The following PDE1B variants were observed in gnomAD, a reference collection of about 807,000 sequenced individuals.
PDE1B encodes phosphodiesterase 1B.
In PDE1B, 13 loss-of-function variants were observed where a neutral mutation model predicts 66.7. The ratio of observed to expected loss-of-function variants is 0.19; its 90% CI spans 0.13 to 0.31. The LOEUF is 0.31. Ranked by LOEUF, PDE1B falls within the 10% of genes least tolerant of loss-of-function variation. PDE1B has a pLI of 1.00. For synonymous variants in PDE1B, 230 were observed against 253.9 expected (o/e 0.91, Z 0.90); for missense variants, 485 against 682.3 (o/e 0.71, Z 3.22).
rs374400119 is a variant in PDE1B, at chr12:54,575,466, C to G, written c.1186-85C>G. ...GCAGAAATTTCACACAACAACCCCC[C>G]ACCCCCACCACTTGCCACCTGTACC... is the stretch of plus-strand genomic sequence containing the variant. On this transcript the variant is annotated intron_variant, in intron 11 of 15. Transcript: ENST00000243052. This position sits in a 1 kb window ranked among gnomAD's most constrained non-coding sequence, Gnocchi z 4.0. The G allele has an allele frequency of 4.2e-6, 4 of 942,262 alleles. No individual in the cohort carries two copies. Among genetic ancestry groups the G allele is most frequent in the South Asian group, 2.6e-5 (2 of 77,066 alleles). 58.4% of individuals were successfully genotyped at this position (942,262 alleles called of 1,614,324 possible). A position where few individuals can be genotyped will look rare whatever the true frequency, so the allele number is the denominator to read the frequency against.
intron 3 of PDE1B, among the ~76,000 whole-genome samples, chr12:54,568,657 G>A (rs142431167): frequency 5.9e-4 from 90 of 152,174 alleles, no homozygotes; most frequent in Non-Finnish European, 1.1e-3. Context: ...CCAGCCTGGC[G>A]TGGTGGTAGG....
chr12:54,562,419 C>T (rs922782156), intron 2 of PDE1B, among the ~76,000 whole-genome samples: 2 of 152,092 alleles, frequency 1.3e-5, no homozygotes, highest in Non-Finnish European at 2.9e-5. Context: ...GGTGGTGAAA[C>T]GGGCAGGGAT....
chr12:54,551,281 G>T (rs1022232), intron 2 of PDE1B, among the ~76,000 whole-genome samples: 123,576 of 152,086 alleles, frequency 0.81, 50,649 homozygotes, highest in Middle Eastern at 0.9. Flanking sequence ...ACTTGGAGAG[G>T]CGTTAGGGAG....
chr12:54,550,605 T>C (rs1332170188), intron 2 of PDE1B, among the ~76,000 whole-genome samples: 1 of 53,118 alleles, frequency 1.9e-5, no homozygotes, highest in Non-Finnish European at 5.4e-5. Context: ...CCACGTGGAA[T>C]CTGGAGGGGG....
chr12:54,577,507 A>G, intron 15 of PDE1B, 162 bp downstream of exon 15: 1 of 1,586,196 alleles, frequency 6.3e-7, no homozygotes, highest in Non-Finnish European at 8.5e-7. Flanking sequence ...TGGGTGGAGC[A>G]GGGAAATCCT....
intron 2 of PDE1B, among the ~76,000 whole-genome samples, chr12:54,555,579 C>T (rs1175906045): frequency 6.6e-6 from 1 of 152,168 alleles, no homozygotes; most frequent in Non-Finnish European, 1.5e-5. Flanking sequence ...GGAATGGTAG[C>T]TTCCCTATCT....
Position 54,573,065 on chromosome 12 carries a change from G to A in PDE1B, c.736-83G>A. 17 of 992,932 alleles carry A rather than the reference G, an allele frequency of 1.7e-5. No individual in the cohort carries two copies. Among genetic ancestry groups the A allele is most frequent in the Non-Finnish European group, 2.7e-5 (17 of 622,612 alleles). The allele number at this position is 992,932 out of a possible 1,614,324, so 61.5% of individuals were successfully genotyped here. A position where few individuals can be genotyped will look rare whatever the true frequency, so the allele number is the denominator to read the frequency against. On this transcript the variant is annotated intron_variant, in intron 7 of 15. Coordinates refer to ENST00000243052, the MANE Select transcript of PDE1B (RefSeq NM_000924.4). The surrounding 1 kb of genome is among the most constrained non-coding windows in gnomAD (Gnocchi z 5.2). ...TGGAAGCATGGAAGGGATGGGATGA[G>A]TGATCTAGCCTGTGTGTGGAGGTTC... is the stretch of plus-strand genomic sequence containing the variant.
chr12:54,567,661 G>A (rs763405996), intron 3 of PDE1B, among the ~76,000 whole-genome samples: 5 of 152,012 alleles, frequency 3.3e-5, no homozygotes, highest in Non-Finnish European at 7.4e-5. Flanking sequence ...CTGCTTCAGA[G>A]TTGGAAGGGA....
Position 54,575,704 on chromosome 12 carries a change from C to T in PDE1B, c.1267+72C>T. 9.3e-7 allele frequency: 1 copy of T among 1,078,454 alleles called. No individual in the cohort carries two copies. The highest frequency in any genetic ancestry group is 1.4e-6 in the Non-Finnish European group (1 of 702,008). The allele number at this position is 1,078,454 out of a possible 1,614,324, so 66.8% of individuals were successfully genotyped here. ...GATGCTGCCTGGGTCAGGATTGCTC[C>T]AAGTCCTCAATCCCCCCAAACCATT... On this transcript the variant is annotated intron_variant, in intron 12 of 15. Transcript: ENST00000243052. The surrounding 1 kb of genome is among the most constrained non-coding windows in gnomAD (Gnocchi z 4.0).
chr12:54,551,365 C>T (rs1957275751), intron 2 of PDE1B, among the ~76,000 whole-genome samples: 1 of 152,168 alleles, frequency 6.6e-6, no homozygotes, highest in South Asian at 2.1e-4. Context: ...CTGCCTCTGG[C>T]CAATCCAATT....
chr12:54,572,694 G>T lies in PDE1B; in HGVS notation c.688G>T (p.Asp230Tyr). The T allele has an allele frequency of 6.2e-7, 1 of 1,614,132 alleles. No homozygotes were observed. Among genetic ancestry groups the T allele is most frequent in the Non-Finnish European group, 8.5e-7 (1 of 1,179,978 alleles). Reference sequence around the variant, plus strand: ...TTACCACAACCAGATCCACGCAGCCGATGTTACCCAGACAGTCCATTGCTT... The same window carrying T: ...TTACCACAACCAGATCCACGCAGCCTATGTTACCCAGACAGTCCATTGCTT... ...NPYHNQIHAADVTQTVHCFLL... is the reference protein window; with the variant it reads ...NPYHNQIHAAYVTQTVHCFLL... Residue 230 changes from aspartate (D) to tyrosine (Y), a missense_variant, in exon 7 of 16, where the codon GAT becomes TAT. Physicochemically the swap from Asp to Tyr is radical, Grantham distance 160. Transcript: ENST00000243052.
intron 3 of PDE1B, among the ~76,000 whole-genome samples, chr12:54,567,781 C>T (rs1403928495): frequency 2.6e-5 from 4 of 151,800 alleles, no homozygotes; most frequent in African/African-American, 7.3e-5. Context: ...CAAGTATGAA[C>T]TGAGATGTGT....
At chr12:54,565,937 TGAAGCCCCTCTCAGTGGG>T (rs2121097576) in intron 2 of PDE1B, among the ~76,000 whole-genome samples, 1 of 152,352 alleles carries the variant, frequency 6.6e-6, no homozygotes, top group East Asian at 1.9e-4. Flanking sequence ...CTTGGGTTTT[TGAAGCCCCTCTCAGTGGG>T]GAATTATGAT....
Position 54,575,515 on chromosome 12 carries a change from T to C in PDE1B, c.1186-36T>C. 1 of 1,476,610 alleles carries C rather than the reference T, an allele frequency of 6.8e-7. No homozygotes were observed. The highest frequency in any genetic ancestry group is 2.3e-5 in the East Asian group (1 of 44,192). The allele number at this position is 1,476,610 out of a possible 1,614,324, so 91.5% of individuals were successfully genotyped here. A position where few individuals can be genotyped will look rare whatever the true frequency, so the allele number is the denominator to read the frequency against. On this transcript the variant is annotated intron_variant, in intron 11 of 15. Coordinates refer to ENST00000243052, the MANE Select transcript of PDE1B (RefSeq NM_000924.4). This position sits in a 1 kb window ranked among gnomAD's most constrained non-coding sequence, Gnocchi z 4.0. The stretch of plus-strand genomic sequence containing the variant: ...CCCCAGATCTGGTAGGTCTGAGGTA[T>C]CCTCTCCAGCTTTCCTACCCTGTTC...
rs774810310 is a variant in PDE1B, at chr12:54,573,870, A to AGAGAGAGAGAGTGT, written c.1064+162_1064+163insAGAGAGAGAGTGTG. On this transcript the variant is annotated intron_variant, in intron 10 of 15. Transcript: ENST00000243052. This position sits in a 1 kb window ranked among gnomAD's most constrained non-coding sequence, Gnocchi z 5.2. ...GCATCTCTATGTGAGAGAGAGAGAG[A>AGAGAGAGAGAGTGT]GTGTGTGTGTGTGTGTGTGTGTGTG... 597 of 502,048 alleles carry AGAGAGAGAGAGTGT rather than the reference A, an allele frequency of 1.2e-3. 7 individuals are homozygous for AGAGAGAGAGAGTGT. In the African/African-American group the frequency reaches 0.012, roughly 10 times the overall value. 31.1% of individuals were successfully genotyped at this position (502,048 alleles called of 1,614,324 possible).
intron 2 of PDE1B, among the ~76,000 whole-genome samples, chr12:54,550,525 T>G (rs59371382): frequency 0.028 from 4,300 of 152,042 alleles, 98 homozygotes; most frequent in African/African-American, 0.05. Context: ...GGGGTGGGGG[T>G]TACCCCATGC....
Position 54,575,975 on chromosome 12 carries a change from T to C in PDE1B, c.1268-17T>C, listed in dbSNP as rs1267467893. ...ATAATAGTAAGACATCTCTACGGCA[T>C]TGCTCCTCCACTGCAGGGTTCATCG... On this transcript the variant is annotated splice_polypyrimidine_tract_variant and intron_variant, in intron 12 of 15. Coordinates refer to ENST00000243052, the MANE Select transcript of PDE1B (RefSeq NM_000924.4). The surrounding 1 kb of genome is among the most constrained non-coding windows in gnomAD (Gnocchi z 4.0). 6.5e-7 allele frequency: 1 copy of C among 1,544,176 alleles called. No individual in the cohort carries two copies. The highest frequency in any genetic ancestry group is 9.0e-7 in the Non-Finnish European group (1 of 1,116,328).
At chr12:54,560,522 C>T (rs3825194) in intron 2 of PDE1B, among the ~76,000 whole-genome samples, 43,179 of 152,098 alleles carry the variant, frequency 0.28, 6,328 homozygotes, top group East Asian at 0.35. Flanking sequence ...TAGCCCCGCC[C>T]AACTCCTCAG....
At chr12:54,550,013 A>T in intron 2 of PDE1B, 28 bp downstream of exon 2, 2 of 1,609,218 alleles carry the variant, frequency 1.2e-6, no homozygotes, top group Non-Finnish European at 8.5e-7. Flanking sequence ...GAATGGGGGG[A>T]AGGGACCTTA....
Sources: allele counts gnomAD v4.1 joint callset (sites outside exome capture counted in the v4.1 genomes callset), GRCh38; gene constraint gnomAD v4.1.1; non-coding constraint Gnocchi (gnomAD v3.1); transcripts MANE v1.5; gene names NCBI Gene and HGNC (gene_info 2026-07-23, HGNC 2026-07-21).